The following KMT2C variants were observed in gnomAD, a reference collection of about 807,000 sequenced individuals.
KMT2C encodes the protein histone-lysine N-methyltransferase 2C.
In KMT2C, 88 loss-of-function variants were observed where a neutral mutation model predicts 507.9. That is an observed-to-expected ratio of 0.17 (90% CI 0.15 to 0.21). KMT2C has a LOEUF of 0.21. Among genes scored for constraint, KMT2C ranks in the 10% least tolerant of loss-of-function variants. KMT2C has a pLI of 1.00. For synonymous variants in KMT2C, 2,049 were observed against 2,080.8 expected, an observed-to-expected ratio of 0.98 and a Z score of 0.42; for missense variants, 4,954 against 5,957.8, an observed-to-expected ratio of 0.83 and a Z score of 5.55.
intron 6 of KMT2C, among the ~76,000 whole-genome samples, chr7:152,297,059 G>GACAGACAGAAAGAAAGAA (rs1563767704): frequency 3.1e-5 from 2 of 64,396 alleles, no homozygotes; most frequent in Admixed American, 1.8e-4. Context: ...GAAAGACAGA[G>GACAGACAGAAAGAAAGAA]AGAGAGAGAG....
intron 1 of KMT2C, among the ~76,000 whole-genome samples, chr7:152,422,750 G>A (rs1038151857): frequency 3.9e-5 from 6 of 152,242 alleles, no homozygotes; most frequent in African/African-American, 7.2e-5. Flanking sequence ...CCAACCAGGC[G>A]CAGTGGCTCA....
intron 1 of KMT2C, among the ~76,000 whole-genome samples, chr7:152,381,150 G>A (rs915057262): frequency 2.2e-4 from 34 of 152,234 alleles, no homozygotes; most frequent in Non-Finnish European, 4.3e-4. Flanking sequence ...AATTCACAAT[G>A]AAAATCTGAC....
chr7:152,243,439 AG>A (rs2095419371), intron 14 of KMT2C, among the ~76,000 whole-genome samples: 1 of 152,220 alleles, frequency 6.6e-6, no homozygotes, highest in Non-Finnish European at 1.5e-5. Context: ...TTTGTCCAAG[AG>A]ATATCAAAAT....
chr7:152,359,878 G>A (rs916503081), intron 1 of KMT2C, among the ~76,000 whole-genome samples: 3 of 151,402 alleles, frequency 2.0e-5, no homozygotes, highest in Non-Finnish European at 2.9e-5. Context: ...GTGAAACTCC[G>A]TCTCTACTAA....
intron 2 of KMT2C, among the ~76,000 whole-genome samples, chr7:152,337,242 T>C (rs1285903552): frequency 6.6e-6 from 1 of 152,118 alleles, no homozygotes; most frequent in African/African-American, 2.4e-5. Flanking sequence ...CTGCACTCCA[T>C]CCTGGGTGAC....
chr7:152,249,331 T>TG (rs1451641538), intron 13 of KMT2C, among the ~76,000 whole-genome samples: 4 of 149,374 alleles, frequency 2.7e-5, no homozygotes, highest in Non-Finnish European at 5.9e-5. Context: ...TTTTTTTTTT[T>TG]TTTTTTTTTT....
Position 152,180,874 on chromosome 7 carries a change from C to G in KMT2C, c.6986G>C (p.Gly2329Ala), listed in dbSNP as rs779376220. ...AHDVADQPRP[G>A]SEGSFCASSN... ...AGATGCACAGAAGCTCCCCTCTGAT[C>G]CAGGCCTTGGCTGATCAGCAACATC... The change falls in exon 36 of 59, where the codon GGA becomes GCA. Residue 2329 changes from glycine (G) to alanine (A), a missense_variant. Coordinates refer to ENST00000262189, the MANE Select transcript of KMT2C (RefSeq NM_170606.3). 1 of 1,614,152 alleles carries G rather than the reference C, an allele frequency of 6.2e-7. No homozygotes were observed. Among genetic ancestry groups the G allele is most frequent in the African/African-American group, 1.3e-5 (1 of 75,028 alleles).
In KMT2C at chr7:152,176,776, C is replaced by T. The variant is rs1180489534; in HGVS notation, c.8677G>A (p.Val2893Ile). ...NRETAGPSAN[V>I]IQASTQLPAQ... ...GGTAGTTGAGTGGATGCCTGAATGACATTTGCACTGGGGCCAGCAGTTTCT... is the reference window on the plus strand; with the variant it reads ...GGTAGTTGAGTGGATGCCTGAATGATATTTGCACTGGGGCCAGCAGTTTCT... The change falls in exon 38 of 59, where the codon GTC (valine) becomes ATC (isoleucine). Residue 2893 changes from valine (V) to isoleucine (I), a missense_variant. Physicochemically the swap from Val to Ile is conservative, Grantham distance 29. Coordinates refer to ENST00000262189, the MANE Select transcript of KMT2C (RefSeq NM_170606.3). 1.9e-6 allele frequency: 3 copies of T among 1,614,202 alleles called. No homozygotes were observed. The highest frequency in any genetic ancestry group is 1.7e-6 in the Non-Finnish European group (2 of 1,180,036).
At chr7:152,272,146 T>C (rs1463684986) in intron 7 of KMT2C, among the ~76,000 whole-genome samples, 1 of 152,360 alleles carries the variant, frequency 6.6e-6, no homozygotes. Context: ...ATAATTTTAG[T>C]GTATCTTTTA....
intron 1 of KMT2C, among the ~76,000 whole-genome samples, chr7:152,432,953 C>G (rs2097877714): frequency 6.6e-6 from 1 of 152,014 alleles, no homozygotes; most frequent in Non-Finnish European, 1.5e-5. Context: ...TCAAGACCAG[C>G]CTGGCCAACA....
At chr7:152,264,947 A>G in intron 8 of KMT2C, 91 bp downstream of exon 8, 1 of 1,431,960 alleles carries the variant, frequency 7.0e-7, no homozygotes, top group Non-Finnish European at 9.2e-7. Flanking sequence ...AAATATGAAC[A>G]ACCTCTATTA....
intron 9 of KMT2C, among the ~76,000 whole-genome samples, chr7:152,255,111 A>ATG (rs1470128253): frequency 0.012 from 793 of 67,936 alleles, 11 homozygotes; most frequent in Admixed American, 0.02. Flanking sequence ...ACTCTCACTT[A>ATG]TATATATATA....
At chr7:152,223,979 G>C in intron 20 of KMT2C, 36 bp downstream of exon 20, 1 of 1,408,176 alleles carries the variant, frequency 7.1e-7, no homozygotes, top group Non-Finnish European at 9.7e-7. Flanking sequence ...ATTTCAAAGA[G>C]AAAAGCTTTA....
At chr7:152,307,952 A>C (rs1023191757) in intron 6 of KMT2C, among the ~76,000 whole-genome samples, 1 of 152,226 alleles carries the variant, frequency 6.6e-6, no homozygotes, top group Admixed American at 6.5e-5. Context: ...TCACTGTCAC[A>C]AAATAGCCCA....
intron 2 of KMT2C, among the ~76,000 whole-genome samples, chr7:152,351,772 C>G (rs1290976121): frequency 6.6e-6 from 1 of 152,186 alleles, no homozygotes; most frequent in Admixed American, 6.5e-5. Context: ...ATCACTTCCC[C>G]AATCAATACC....
At position 152,181,351 on chromosome 7, in the gene KMT2C, G is replaced by C. The variant is rs1378604241; in HGVS notation, c.6509C>G (p.Thr2170Ser). The C allele has an allele frequency of 6.2e-7, 1 of 1,614,076 alleles. No individual in the cohort carries two copies. Among genetic ancestry groups the C allele is most frequent in the South Asian group, 1.1e-5 (1 of 91,064 alleles). Reference sequence around the variant, plus strand: ...GGGCTGCTGACTATATGGGTCAACAGTAGTAGGCCGGGGAGTTCCAGGAGG... The same window carrying C: ...GGGCTGCTGACTATATGGGTCAACACTAGTAGGCCGGGGAGTTCCAGGAGG... ...SQPPGTPRPT[T>S]VDPYSQQPQT... Residue 2170 changes from threonine to serine, a missense_variant, in exon 36 of 59, where the codon ACT (threonine) becomes AGT (serine). This residue lies in a region of KMT2C where 1,689 missense variants were observed against 1,654.3 expected (regional missense o/e 1.02). Transcript: ENST00000262189.
intron 6 of KMT2C, among the ~76,000 whole-genome samples, chr7:152,274,304 AT>A (rs1228194225): frequency 6.6e-6 from 1 of 152,200 alleles, no homozygotes; most frequent in African/African-American, 2.4e-5. Context: ...CTAAAAATAA[AT>A]ACAAAATAAA....
intron 13 of KMT2C, among the ~76,000 whole-genome samples, chr7:152,249,603 G>A (rs114845476): frequency 6.4e-5 from 9 of 140,386 alleles, no homozygotes; most frequent in African/African-American, 1.4e-4. Flanking sequence ...ACTACAGGTA[G>A]GGATAAAAGA....
intron 2 of KMT2C, among the ~76,000 whole-genome samples, chr7:152,338,358 T>G (rs781293309): frequency 3.9e-5 from 6 of 152,190 alleles, no homozygotes; most frequent in Non-Finnish European, 5.9e-5. Flanking sequence ...ATTCAAATGG[T>G]AGTCATTACA....
Sources: gnomAD v4.1 joint callset for allele counts (sites outside exome capture counted in the v4.1 genomes callset) on GRCh38, gnomAD v4.1.1 for gene constraint, gnomAD v4.1.1 regional missense constraint, MANE v1.5 for transcripts, NCBI Gene and HGNC (gene_info 2026-07-23, HGNC 2026-07-21) for gene names.